Variants in LUZP1 observed in about 807,000 individuals in gnomAD.
The protein encoded by LUZP1 is filamin mechanobinding actin cross-linking protein.
LUZP1 carries 25 observed loss-of-function variants against 71.3 expected under a neutral mutation model. That is an observed-to-expected ratio of 0.35 (90% CI 0.26 to 0.49). The LOEUF (loss-of-function observed/expected upper bound fraction) is 0.49. LUZP1 is among the 20% of genes least tolerant of loss of function. The pLI is 0.99. For missense variants in LUZP1, 1,142 were observed against 1,300.8 expected, an observed-to-expected ratio of 0.88 and a Z score of 1.88; for synonymous variants, 481 against 506.4, an observed-to-expected ratio of 0.95 and a Z score of 0.67.
chr1:23,160,344 T>A (rs1644454468), intron 2 of LUZP1, among the ~76,000 whole-genome samples: 1 of 152,184 alleles, frequency 6.6e-6, no homozygotes, highest in Non-Finnish European at 1.5e-5. Flanking sequence ...AAAATTCAAA[T>A]AAAGTACTAC....
intron 2 of LUZP1, chr1:23,141,216 AGGAG>A (rs1229519917): frequency 6.6e-6 from 1 of 152,290 alleles, no homozygotes; most frequent in Non-Finnish European, 1.5e-5. Context: ...GGTGGGGGAA[AGGAG>A]GAAGGCTAGA....
intron 2 of LUZP1, among the ~76,000 whole-genome samples, chr1:23,155,202 A>G (rs866416062): frequency 2.6e-5 from 4 of 152,174 alleles, no homozygotes; most frequent in East Asian, 1.9e-4. Flanking sequence ...AAATATCTCT[A>G]TAAGAATCTT....
chr1:23,139,442 A>C (rs1644285981), intron 2 of LUZP1, among the ~76,000 whole-genome samples: 4 of 151,946 alleles, frequency 2.6e-5, no homozygotes, highest in Non-Finnish European at 5.9e-5. Flanking sequence ...TTACAGATGG[A>C]TTTTCTTCTA....
chr1:23,084,712 A>T (rs749137723), exon 5 of LUZP1: 1 of 109,596 alleles, frequency 9.1e-6, no homozygotes, highest in Admixed American at 8.9e-5. Context: ...TGACTGGAAG[A>T]TGAAAACGGA....
chr1:23,174,406 C>T (rs1644571058), intron 1 of LUZP1, among the ~76,000 whole-genome samples: 1 of 152,166 alleles, frequency 6.6e-6, no homozygotes, highest in Admixed American at 6.6e-5. Context: ...GCAATTTTCT[C>T]TACTCAATCT....
intron 1 of LUZP1, among the ~76,000 whole-genome samples, chr1:23,175,206 G>A (rs901977816): frequency 6.6e-6 from 1 of 152,100 alleles, no homozygotes; most frequent in Non-Finnish European, 1.5e-5. Flanking sequence ...CAAAGCCCAA[G>A]TCCAGGAGGA....
intron 4 of LUZP1, 168 bp downstream of exon 3, chr1:23,091,022 A>G: frequency 1.3e-6 from 1 of 774,798 alleles, no homozygotes; most frequent in Non-Finnish European, 2.3e-6. Flanking sequence ...AACCTTCTTT[A>G]GGAGAAAGGT....
intron 1 of LUZP1, among the ~76,000 whole-genome samples, chr1:23,172,892 GGT>G (rs1265497026): frequency 6.6e-6 from 1 of 151,668 alleles, no homozygotes; most frequent in Non-Finnish European, 1.5e-5. Context: ...AGAGTGCAGT[GGT>G]GCGATCTCGG....
At chr1:23,140,124 G>A (rs1383603417) in intron 2 of LUZP1, among the ~76,000 whole-genome samples, 2 of 151,538 alleles carry the variant, frequency 1.3e-5, no homozygotes, top group African/African-American at 4.9e-5. Flanking sequence ...TCCTCCAGGA[G>A]TCCAAGAGCC....
intron 3 of LUZP1, among the ~76,000 whole-genome samples, chr1:23,103,894 GGGAGGGAGGGGGGAA>G (rs1333535321): frequency 9.3e-5 from 1 of 10,744 alleles, no homozygotes; most frequent in African/African-American, 3.0e-4. Flanking sequence ...GAGGGAGAGA[GGGAGGGAGGGGGGAA>G]GGAGGGAGGG....
chr1:23,096,789 A>G (rs1643894418), intron 3 of LUZP1, among the ~76,000 whole-genome samples: 1 of 152,138 alleles, frequency 6.6e-6, no homozygotes, highest in Non-Finnish European at 1.5e-5. Context: ...CCTGAACAAC[A>G]TGATGAGACC....
intron 3 of LUZP1, among the ~76,000 whole-genome samples, chr1:23,101,824 G>A (rs539758288): frequency 5.4e-4 from 82 of 152,294 alleles, no homozygotes; most frequent in Admixed American, 2.4e-3. Context: ...TGTTAAGTAT[G>A]TTTATCCAGG....
intron 2 of LUZP1, among the ~76,000 whole-genome samples, chr1:23,142,924 G>A (rs564713805): frequency 5.3e-5 from 8 of 151,700 alleles, no homozygotes; most frequent in African/African-American, 1.9e-4. Context: ...CTGGCACTTT[G>A]GGAGGCTGAG....
intron 2 of LUZP1, chr1:23,162,603 T>A (rs1644477129): frequency 6.6e-6 from 1 of 152,148 alleles, no homozygotes; most frequent in Non-Finnish European, 1.5e-5. Context: ...CATGCCTGGC[T>A]AATTTTTTGT....
At position 23,093,512 on chromosome 1, in the gene LUZP1, C is replaced by T; in HGVS notation, c.750G>A (p.Leu250=). The stretch of plus-strand genomic sequence containing the variant: ...CCTTCCTTCTTGATTCTTTGGACGG[C>T]AGTGTGGAAGAGATGCCATCCTCAA... Residue 250 remains leucine, a synonymous_variant, in exon 4 of 5, where the codon CTG becomes CTA. Transcript: ENST00000302291. The surrounding 1 kb of genome is among the most constrained non-coding windows in gnomAD (Gnocchi z 4.2). 1 of 1,613,204 alleles carries T rather than the reference C, an allele frequency of 6.2e-7. No homozygotes were observed. The highest frequency in any genetic ancestry group is 2.2e-5 in the East Asian group (1 of 44,882).
At chr1:23,146,893 C>T (rs1644347235) in intron 2 of LUZP1, among the ~76,000 whole-genome samples, 1 of 150,156 alleles carries the variant, frequency 6.7e-6, no homozygotes. Context: ...GTCAGGAGCT[C>T]AAGACCATCC....
At chr1:23,090,451 A>G (rs1198576387) in intron 4 of LUZP1, 2 of 173,560 alleles carry the variant, frequency 1.2e-5, no homozygotes, top group Non-Finnish European at 2.5e-5. Flanking sequence ...GTTTTTCATC[A>G]TCACAGGTTT....
chr1:23,091,272 AG>A lies in LUZP1; in HGVS notation c.2989del (p.Leu997SerfsTer13). On this transcript the variant is annotated frameshift_variant, in exon 4 of 5. Coordinates refer to ENST00000302291, the Ensembl canonical transcript of LUZP1. LOFTEE classifies it high-confidence loss of function. ...ACGGGTAAGCACCTCTGACACAGTG[AG>A]GCTACTTTGGGTCCTTCTGGAGGAG... The A allele has an allele frequency of 6.2e-7, 1 of 1,613,978 alleles. No homozygotes were observed. The highest frequency in any genetic ancestry group is 8.5e-7 in the Non-Finnish European group (1 of 1,179,970).
At chr1:23,101,986 C>G (rs1051802821) in intron 3 of LUZP1, among the ~76,000 whole-genome samples, 2 of 151,950 alleles carry the variant, frequency 1.3e-5, no homozygotes, top group Non-Finnish European at 2.9e-5. Context: ...CCCTGACCAT[C>G]TTACATAAGA....
Sources: allele counts gnomAD v4.1 joint callset (sites outside exome capture counted in the v4.1 genomes callset), GRCh38; gene constraint gnomAD v4.1.1; non-coding constraint Gnocchi (gnomAD v3.1); transcripts MANE v1.5; gene names NCBI Gene and HGNC (gene_info 2026-07-23, HGNC 2026-07-21).